Variants in USHBP1 observed in about 807,000 individuals in gnomAD.
USHBP1 encodes the protein USH1 protein network component harmonin binding protein 1, also known as harmonin-binding protein USHBP1.
Under a neutral mutation model 76.2 loss-of-function variants are expected in USHBP1, and 67 were observed. That is an observed-to-expected ratio of 0.88 (90% CI 0.72 to 1.08). USHBP1 has a LOEUF of 1.08. Among genes scored for constraint, USHBP1 ranks in the 50% least tolerant of loss-of-function variants. USHBP1 has a pLI of 0.00. For synonymous variants in USHBP1, 322 were observed against 362.2 expected (o/e 0.89, Z 1.26); for missense variants, 931 against 915.0 (o/e 1.02, Z -0.23).
chr19:17,261,125 C>T (rs2073682065), intron 4 of USHBP1, among the ~76,000 whole-genome samples: 1 of 152,090 alleles, frequency 6.6e-6, no homozygotes, highest in African/African-American at 2.4e-5. Context: ...CCAAGCAAAG[C>T]CCAAGCGTCT....
chr19:17,256,861 A>G (rs894703759), intron 8 of USHBP1, 141 bp from the exon 9 acceptor site: 2 of 1,262,798 alleles, frequency 1.6e-6, no homozygotes, highest in Admixed American at 2.4e-5. Flanking sequence ...TCCCTGTCAC[A>G]CCAACATACC....
In USHBP1 at chr19:17,260,140, G is replaced by C. The variant is rs568094420; in HGVS notation, c.643-118C>G. ...CCCTAGCTGGAAGGCAAGAGGCTTG[G>C]ATACTTAGCCTGCCAAAAATCTCAC... On this transcript the variant is annotated intron_variant, in intron 4 of 12. Coordinates refer to ENST00000252597, the MANE Select transcript of USHBP1 (RefSeq NM_031941.4). 1.3e-4 allele frequency: 171 copies of C among 1,341,590 alleles called. 2 individuals are homozygous for C. The South Asian group carries it at 2.8e-3, about 22-fold the overall frequency. 83.1% of individuals were successfully genotyped at this position (1,341,590 alleles called of 1,614,324 possible).
At chr19:17,255,125 C>T (rs1371081804) in intron 10 of USHBP1, among the ~76,000 whole-genome samples, 1 of 151,886 alleles carries the variant, frequency 6.6e-6, no homozygotes, top group African/African-American at 2.4e-5. Context: ...AACTGCATCT[C>T]TACAAAACAT....
At chr19:17,255,721 C>T in intron 9 of USHBP1, 115 bp from the exon 10 acceptor site, 1 of 1,180,530 alleles carries the variant, frequency 8.5e-7, no homozygotes, top group South Asian at 1.6e-5. Flanking sequence ...TGACTTTTGG[C>T]CAGGCGCAGT....
intron 4 of USHBP1, among the ~76,000 whole-genome samples, chr19:17,262,114 C>T (rs934293840): frequency 2.6e-5 from 4 of 151,298 alleles, no homozygotes; most frequent in African/African-American, 9.7e-5. Context: ...GATTCTCCTG[C>T]TTCAGCCTCC....
In USHBP1 at chr19:17,256,665, G is replaced by A. The variant is rs777306692; in HGVS notation, c.1276C>T (p.Arg426Ter). ...PTPQEVAFQL[R>*]SYVQRLQERR... is the part of the protein sequence containing the mutation. ...TCCTGGAGACGCTGGACATAGCTTC[G>A]GAGCTGGAAAGCCACTTCCTGTGGG... The change falls in exon 9 of 13, where the codon CGA becomes TGA. Residue 426 changes from arginine to a stop codon, truncating the protein, a stop_gained. Coordinates refer to ENST00000252597, the MANE Select transcript of USHBP1 (RefSeq NM_031941.4). LOFTEE classifies it high-confidence loss of function. 3.7e-6 allele frequency: 6 copies of A among 1,614,188 alleles called. No individual in the cohort carries two copies. Among genetic ancestry groups the A allele is most frequent in the East Asian group, 2.2e-5 (1 of 44,882 alleles).
In USHBP1 at chr19:17,251,936, G is replaced by T; in HGVS notation, c.1774C>A (p.Gln592Lys). The T allele has an allele frequency of 6.5e-7, 1 of 1,546,838 alleles. No individual in the cohort carries two copies. The change falls in exon 11 of 13, where the codon CAG becomes AAG. Residue 592 changes from glutamine to lysine, a missense_variant. By Grantham distance (53) the Gln-to-Lys change is moderately conservative. Transcript: ENST00000252597. ...GRAWDPEKLA[Q>K]ELAASLTRTL... ...CTGGTGAGCGATGCTGCCAGTTCCT[G>T]GGCTAACTTCTCTGGGTCCCAGGCT...
rs2145596211 is a variant in USHBP1, at chr19:17,262,906, G to A, written c.288C>T (p.His96=). The A allele has an allele frequency of 1.3e-6, 2 of 1,579,060 alleles. No individual in the cohort carries two copies. Among genetic ancestry groups the A allele is most frequent in the East Asian group, 4.5e-5 (2 of 44,400 alleles). The change falls in exon 4 of 13, where the codon CAC becomes CAT. Residue 96 remains histidine, a synonymous_variant. Coordinates refer to ENST00000252597, the MANE Select transcript of USHBP1 (RefSeq NM_031941.4). ...ACTGTAGGGCTGCTTCTGGGGCTTG[G>A]TGGGCTTCCACTGCAGGTTTGTGGG... ...EVPHKPAVEA[H]QAPEAALQYK... is the part of the protein sequence containing the mutation.
chr19:17,251,523 T>TCTGATATC lies in USHBP1; in HGVS notation c.1922+51_1922+58dup, dbSNP rs1308140036. 3 of 1,604,092 alleles carry TCTGATATC rather than the reference T, an allele frequency of 1.9e-6. No individual in the cohort carries two copies. The African/African-American group carries it at 4.0e-5, about 21-fold the overall frequency. On this transcript the variant is annotated intron_variant, in intron 12 of 12. Coordinates refer to ENST00000252597, the MANE Select transcript of USHBP1 (RefSeq NM_031941.4). ...AGGCCCAGAGACAGCCAGGGATACTTCTGATATCCTGGTGGGGGATGGTGC... is the reference window on the plus strand; with the variant it reads ...AGGCCCAGAGACAGCCAGGGATACTTCTGATATCCTGATATCCTGGTGGGGGATGGTGC...
intron 12 of USHBP1, 125 bp from the exon 13 acceptor site, chr19:17,250,539 G>T (rs2073537734): frequency 9.0e-7 from 1 of 1,111,714 alleles, no homozygotes; most frequent in Non-Finnish European, 1.3e-6. Context: ...CAGCTAGCTG[G>T]TCTTTTGTTG....
In USHBP1 at chr19:17,253,894, C is replaced by CAAA. The variant is rs755318665; in HGVS notation, c.1692+1488_1692+1490dup. On this transcript the variant is annotated intron_variant, in intron 10 of 12. Transcript: ENST00000252597. Reference sequence around the variant, plus strand: ...GGGTGACAGAGCAAGATCCGTTTCCCAAAAAAAAAAAAAAAGAAAAAAAAA... The same window carrying CAAA: ...GGGTGACAGAGCAAGATCCGTTTCCCAAAAAAAAAAAAAAAAAAGAAAAAAAAA... 5.7e-5 allele frequency among the ~76,000 whole-genome samples: 5 copies of CAAA among 87,326 alleles called. No individual in the cohort carries two copies. In the South Asian group the frequency reaches 1.1e-3, roughly 19 times the overall value. The allele number at this position is 87,326 out of a possible 152,430, so 57.3% of individuals were successfully genotyped here. A position where few individuals can be genotyped will look rare whatever the true frequency, so the allele number is the denominator to read the frequency against.
chr19:17,259,331 C>G lies in USHBP1; in HGVS notation c.1004G>C (p.Arg335Pro), dbSNP rs769889239. The G allele has an allele frequency of 1.2e-6, 2 of 1,614,118 alleles. No homozygotes were observed. The highest frequency in any genetic ancestry group is 2.2e-5 in the South Asian group (2 of 91,088). Residue 335 changes from arginine to proline, a missense_variant, in exon 7 of 13, where the codon CGG (arginine) becomes CCG (proline). Physicochemically the swap from Arg to Pro is moderately radical, Grantham distance 103. Coordinates refer to ENST00000252597, the MANE Select transcript of USHBP1 (RefSeq NM_031941.4). ...CEGLSMQLGQ[R>P]EAEATALHLA... The stretch of plus-strand genomic sequence containing the variant: ...ATGCAATGCTGTGGCCTCAGCCTCC[C>G]GCTGGCCTAGCTGCATGCTGAGGCC...
At chr19:17,261,220 C>A (rs1395336305) in intron 4 of USHBP1, among the ~76,000 whole-genome samples, 1 of 152,300 alleles carries the variant, frequency 6.6e-6, no homozygotes, top group East Asian at 1.9e-4. Flanking sequence ...CTGTTGCCCC[C>A]TGTGTTCCAG....
At chr19:17,264,632 TC>T in intron 1 of USHBP1, 38 bp downstream of exon 1, 1 of 361,182 alleles carries the variant, frequency 2.8e-6, no homozygotes, top group Non-Finnish European at 5.1e-6. Context: ...TTCCCTCTCC[TC>T]CCCGGCCCTC....
chr19:17,250,153 T>C lies in USHBP1; in HGVS notation c.*72A>G, dbSNP rs2073530856. On this transcript the variant is annotated 3_prime_UTR_variant, in exon 13 of 13. Coordinates refer to ENST00000252597, the MANE Select transcript of USHBP1 (RefSeq NM_031941.4). ...ACATGCCAAATCATGCAACATGACATGATGTCACTCCAGGACAGTTTATGA... is the reference window on the plus strand; with the variant it reads ...ACATGCCAAATCATGCAACATGACACGATGTCACTCCAGGACAGTTTATGA... 1 of 1,495,136 alleles carries C rather than the reference T, an allele frequency of 6.7e-7. No individual in the cohort carries two copies. The highest frequency in any genetic ancestry group is 9.0e-7 in the Non-Finnish European group (1 of 1,112,728). 92.6% of individuals were successfully genotyped at this position (1,495,136 alleles called of 1,614,324 possible). A position where few individuals can be genotyped will look rare whatever the true frequency, so the allele number is the denominator to read the frequency against.
chr19:17,250,371 C>T lies in USHBP1; in HGVS notation c.1966G>A (p.Glu656Lys), dbSNP rs1297067930. 1.2e-6 allele frequency: 2 copies of T among 1,613,610 alleles called. No individual in the cohort carries two copies. The highest frequency in any genetic ancestry group is 1.7e-6 in the Non-Finnish European group (2 of 1,179,982). The change falls in exon 13 of 13, where the codon GAG (glutamate) becomes AAG (lysine). Residue 656 changes from glutamate to lysine, a missense_variant. Transcript: ENST00000252597. ...AFRGAHRKQE[E>K]QRRKLEQQMA... ...TGCTGCTCCAACTTCCGGCGTTGCT[C>T]TTCCTGCTTCCGGTGGGCTCCTCGG...
Position 17,259,346 on chromosome 19 carries a change from A to G in USHBP1, c.989T>C (p.Met330Thr), listed in dbSNP as rs760666994. Residue 330 changes from methionine to threonine, a missense_variant, in exon 7 of 13, where the codon ATG becomes ACG. Met to Thr is a moderately conservative substitution (Grantham distance 81, BLOSUM62 -1). Transcript: ENST00000252597. ...CTCAGCCTCCCGCTGGCCTAGCTGC[A>G]TGCTGAGGCCTTCACAGCGGCCCTT... ...GYKGRCEGLSMQLGQREAEAT... is the reference protein window; with the variant it reads ...GYKGRCEGLSTQLGQREAEAT... The G allele has an allele frequency of 1.2e-6, 2 of 1,614,214 alleles. No individual in the cohort carries two copies. The highest frequency in any genetic ancestry group is 1.7e-6 in the Non-Finnish European group (2 of 1,180,038).
At chr19:17,262,413 G>C (rs1054956268) in intron 4 of USHBP1, 139 bp downstream of exon 4, 6 of 979,836 alleles carry the variant, frequency 6.1e-6, no homozygotes, top group Admixed American at 2.9e-5. Context: ...CTCCCAAAGT[G>C]CTGGGATTAT....
Position 17,264,165 on chromosome 19 carries a change from C to G in USHBP1, c.55-15G>C. The G allele has an allele frequency of 1.2e-6, 2 of 1,612,170 alleles. No individual in the cohort carries two copies. The highest frequency in any genetic ancestry group is 1.7e-6 in the Non-Finnish European group (2 of 1,178,874). ...TCCAGTTCACCCTGCAAATGACCCC[C>G]GGGGCCCTGCTCTGAGCCAGGCAGG... On this transcript the variant is annotated splice_polypyrimidine_tract_variant and intron_variant, in intron 2 of 12. Transcript: ENST00000252597.
Sources: allele counts gnomAD v4.1 joint callset (sites outside exome capture counted in the v4.1 genomes callset), GRCh38; gene constraint gnomAD v4.1.1; transcripts MANE v1.5; gene names NCBI Gene and HGNC (gene_info 2026-07-23, HGNC 2026-07-21).